MAN2B2: variants seen among roughly 807,000 people sequenced by gnomAD.
The protein encoded by MAN2B2 is mannosidase alpha class 2B member 2, also known as epididymis-specific alpha-mannosidase.
Under a neutral mutation model 117.1 loss-of-function variants are expected in MAN2B2, and 106 were observed. The observed-to-expected ratio is 0.90, with a 90% CI of 0.77 to 1.06. MAN2B2 has a LOEUF of 1.06. Ranked by LOEUF, MAN2B2 falls within the 50% of genes least tolerant of loss-of-function variation. The pLI is 0.00. For synonymous variants in MAN2B2, 544 were observed against 595.1 expected (o/e 0.91, Z 1.25); for missense variants, 1,326 against 1,381.4 (o/e 0.96, Z 0.64).
At chr4:6,601,191 C>A (rs1358864226) in intron 10 of MAN2B2, among the ~76,000 whole-genome samples, 6 of 152,170 alleles carry the variant, frequency 3.9e-5, no homozygotes, top group Non-Finnish European at 8.8e-5. Flanking sequence ...GCCATACTTA[C>A]CATGACAGTT....
intron 16 of MAN2B2, among the ~76,000 whole-genome samples, chr4:6,614,562 C>G (rs1380683418): frequency 6.6e-6 from 1 of 152,142 alleles, no homozygotes; most frequent in Non-Finnish European, 1.5e-5. Context: ...GTGGGCCTGG[C>G]CCCCAGCCCT....
At chr4:6,616,359 A>G (rs1397980083) in intron 16 of MAN2B2, among the ~76,000 whole-genome samples, 2 of 152,072 alleles carry the variant, frequency 1.3e-5, no homozygotes, top group East Asian at 1.9e-4. Context: ...GATCACATAC[A>G]TCATGTGGCA....
rs374621358 is a variant in MAN2B2 at position 6,606,949 on chromosome 4, T to TAA, written c.1814+1621_1814+1622dup. On this transcript the variant is annotated intron_variant, in intron 11 of 18. Transcript: ENST00000285599. ...CAGCTTGACTGAGATGCACTTCACA[T>TAA]AACACACAATTCACCCATTTAAAGT... Among the ~76,000 whole-genome samples, 274 of 152,308 alleles carry TAA rather than the reference T, an allele frequency of 1.8e-3. 3 individuals are homozygous for TAA. The highest frequency in any genetic ancestry group is 6.3e-3 in the African/African-American group (262 of 41,570).
chr4:6,621,474 A>T lies in MAN2B2; in HGVS notation c.*189A>T. 3 of 563,404 alleles carry T rather than the reference A, an allele frequency of 5.3e-6. No individual in the cohort carries two copies. The South Asian group carries it at 6.8e-5, about 13-fold the overall frequency. The allele number at this position is 563,404 out of a possible 1,614,324, so 34.9% of individuals were successfully genotyped here. A position where few individuals can be genotyped will look rare whatever the true frequency, so the allele number is the denominator to read the frequency against. On this transcript the variant is annotated 3_prime_UTR_variant, in exon 19 of 19. Transcript: ENST00000285599. The stretch of plus-strand genomic sequence containing the variant: ...TTTTTTAAACAAAAATTACATTACA[A>T]GATCCAGGTTCTTCCCCCCCACACT...
chr4:6,606,919 T>C (rs922848291), intron 11 of MAN2B2, among the ~76,000 whole-genome samples: 1 of 152,218 alleles, frequency 6.6e-6, no homozygotes, highest in Non-Finnish European at 1.5e-5. Context: ...CTGTTCCTTA[T>C]GTAACAGCTT....
chr4:6,606,450 G>A (rs1727550297), intron 11 of MAN2B2, among the ~76,000 whole-genome samples: 1 of 152,268 alleles, frequency 6.6e-6, no homozygotes, highest in South Asian at 2.1e-4. Flanking sequence ...GCCAGGTTAG[G>A]CCAGGAGAGG....
intron 3 of MAN2B2, among the ~76,000 whole-genome samples, chr4:6,579,185 AT>A (rs1726259613): frequency 1.2e-5 from 1 of 81,486 alleles, no homozygotes; most frequent in African/African-American, 3.9e-5. Context: ...CACCATCACC[AT>A]CACCAGCACC....
chr4:6,606,348 G>A (rs142633865), intron 11 of MAN2B2, among the ~76,000 whole-genome samples: 29 of 152,358 alleles, frequency 1.9e-4, no homozygotes, highest in African/African-American at 6.3e-4. Flanking sequence ...GGCAGGTGCA[G>A]GGGTGACAGC....
chr4:6,611,271 C>A lies in MAN2B2; in HGVS notation c.2556C>A (p.Asp852Glu), dbSNP rs1399096824. The A allele has an allele frequency of 1.3e-6, 2 of 1,599,884 alleles. No individual in the cohort carries two copies. Among genetic ancestry groups the A allele is most frequent in the Admixed American group, 1.7e-5 (1 of 58,026 alleles). Residue 852 changes from aspartate (D) to glutamate (E), a missense_variant, in exon 15 of 19, where the codon GAC becomes GAA. Physicochemically the swap from Asp to Glu is conservative, Grantham distance 45. Transcript: ENST00000285599. The stretch of plus-strand genomic sequence containing the variant: ...ACAGGCCCGTGGTGCTGTTCGGAGA[C>A]CTCGCTGGTAAAGGGGCACCCTTTC... ...LQHRPVVLFG[D>E]LAGTAPKLPG... is the part of the protein sequence containing the mutation.
chr4:6,583,492 C>T (rs1025220190), intron 3 of MAN2B2, among the ~76,000 whole-genome samples: 2 of 152,122 alleles, frequency 1.3e-5, no homozygotes, highest in African/African-American at 4.8e-5. Context: ...CATGAATCAC[C>T]CTGAAGTCTC....
At position 6,605,134 on chromosome 4, in the gene MAN2B2, A is replaced by G; in HGVS notation, c.1619A>G (p.Tyr540Cys). 6.2e-7 allele frequency: 1 copy of G among 1,614,162 alleles called. No homozygotes were observed. Among genetic ancestry groups the G allele is most frequent in the Non-Finnish European group, 8.5e-7 (1 of 1,180,008 alleles). The change falls in exon 11 of 19, where the codon TAC becomes TGC. Residue 540 changes from tyrosine to cysteine, a missense_variant. Tyr to Cys is a radical substitution (Grantham distance 194). Transcript: ENST00000285599. ...ATCCCAGGCCTCAGTTACCGGCACT[A>G]CAACATCAGACCCACTGCAGGGGCC... ...TTIPGLSYRH[Y>C]NIRPTAGAQE... is the part of the protein sequence containing the mutation.
Position 6,589,151 on chromosome 4 carries a change from T to TAA in MAN2B2, c.671_672insAA (p.Phe224LeufsTer28). ...TACTGCACCCCGTCCCACATCCCTT[T>TAA]CTCCAACAGGTACGTGCCCTTCCGC... On this transcript the variant is annotated frameshift_variant, in exon 5 of 19. Transcript: ENST00000285599. LOFTEE classifies it high-confidence loss of function. 1 of 1,613,606 alleles carries TAA rather than the reference T, an allele frequency of 6.2e-7. No homozygotes were observed. Among genetic ancestry groups the TAA allele is most frequent in the Non-Finnish European group, 8.5e-7 (1 of 1,179,514 alleles).
intron 16 of MAN2B2, among the ~76,000 whole-genome samples, chr4:6,615,628 C>G (rs958625087): frequency 3.9e-5 from 6 of 151,922 alleles, no homozygotes; most frequent in African/African-American, 1.5e-4. Context: ...TAGACTCTGT[C>G]TCTACAAAAA....
chr4:6,577,246 C>G (rs1187798170), intron 2 of MAN2B2, among the ~76,000 whole-genome samples: 3 of 152,204 alleles, frequency 2.0e-5, no homozygotes, highest in African/African-American at 7.2e-5. Context: ...GGGGACACGA[C>G]TAGCCCCTGC....
chr4:6,594,778 G>A (rs1250690261), intron 7 of MAN2B2, 46 bp downstream of exon 7: 7 of 1,555,834 alleles, frequency 4.5e-6, no homozygotes, highest in South Asian at 1.2e-5. Flanking sequence ...GGCAGGGAGG[G>A]TATAGTCCAC....
At chr4:6,583,123 C>G (rs1726499801) in intron 3 of MAN2B2, among the ~76,000 whole-genome samples, 1 of 152,180 alleles carries the variant, frequency 6.6e-6, no homozygotes, top group South Asian at 2.1e-4. Flanking sequence ...CTGGCTCACC[C>G]CACTGAGTTG....
chr4:6,585,909 C>T (rs942505328), intron 3 of MAN2B2, among the ~76,000 whole-genome samples: 1 of 152,174 alleles, frequency 6.6e-6, no homozygotes, highest in African/African-American at 2.4e-5. Context: ...GCTGTGTGCC[C>T]TTCACCTTCT....
rs748924494 is a variant in MAN2B2 at position 6,610,831 on chromosome 4, A to G, written c.2260-49A>G. ...GTGGCCAGAGGGTGATGCCTGACCT[A>G]CCTTGCCCTTTGCCCCAATCGCCCA... is the stretch of plus-strand genomic sequence containing the variant. On this transcript the variant is annotated intron_variant, in intron 13 of 18. Transcript: ENST00000285599. 3.9e-6 allele frequency: 6 copies of G among 1,544,160 alleles called. No individual in the cohort carries two copies. The East Asian group carries it at 1.3e-4, about 35-fold the overall frequency.
intron 15 of MAN2B2, among the ~76,000 whole-genome samples, chr4:6,612,336 T>C (rs1488971604): frequency 1.3e-5 from 2 of 152,182 alleles, no homozygotes; most frequent in Non-Finnish European, 2.9e-5. Context: ...AGCCATGCCA[T>C]AGAGGGCCTG....
Sources: allele counts gnomAD v4.1 joint callset (sites outside exome capture counted in the v4.1 genomes callset), GRCh38; gene constraint gnomAD v4.1.1; transcripts MANE v1.5; gene names NCBI Gene and HGNC (gene_info 2026-07-23, HGNC 2026-07-21).